Variants in ASIC2 observed in about 807,000 individuals in gnomAD.
ASIC2 encodes the protein acid sensing ion channel subunit 2.
A neutral mutation model predicts 57.3 loss-of-function variants in ASIC2; 25 were observed. That is an observed-to-expected ratio of 0.44 (90% CI 0.32 to 0.61). The LOEUF is 0.61. ASIC2 is among the 20% of genes least tolerant of loss of function. The pLI is 0.06. For synonymous variants in ASIC2, 319 were observed against 307.5 expected, an observed-to-expected ratio of 1.04 and a Z score of -0.39; for missense variants, 641 against 738.1, an observed-to-expected ratio of 0.87 and a Z score of 1.52.
intron 1 of ASIC2, chr17:33,680,492 A>G (rs1055695463): frequency 6.6e-6 from 1 of 152,240 alleles, no homozygotes. Context: ...AGCTACAGCT[A>G]CAAAAGACCA....
chr17:33,017,556 G>A, intron 8 of ASIC2, 49 bp downstream of exon 8: 1 of 1,512,738 alleles, frequency 6.6e-7, no homozygotes, highest in Admixed American at 1.7e-5. Flanking sequence ...GGGGCACGAT[G>A]AGGGCACCAG....
chr17:33,183,137 A>G (rs1567776320), intron 1 of ASIC2, among the ~76,000 whole-genome samples: 1 of 152,230 alleles, frequency 6.6e-6, no homozygotes, highest in Non-Finnish European at 1.5e-5. Flanking sequence ...TTTGAAGCCC[A>G]TCTGCCCCAC....
At chr17:33,641,182 C>G (rs1906551987) in intron 1 of ASIC2, among the ~76,000 whole-genome samples, 1 of 152,180 alleles carries the variant, frequency 6.6e-6, no homozygotes, top group Non-Finnish European at 1.5e-5. Context: ...CATAGAATCT[C>G]CTTTCCTCTA....
At chr17:33,702,276 GTAGT>G (rs1213782610) in intron 1 of ASIC2, among the ~76,000 whole-genome samples, 1 of 152,150 alleles carries the variant, frequency 6.6e-6, no homozygotes, top group East Asian at 1.9e-4. Flanking sequence ...GTACTCAGTC[GTAGT>G]TAGTTTCTTT....
At chr17:33,436,896 C>T (rs372594891) in intron 1 of ASIC2, among the ~76,000 whole-genome samples, 3,584 of 115,098 alleles carry the variant, frequency 0.031, 59 homozygotes, top group Middle Eastern at 0.17. Context: ...GACGGAGTCT[C>T]GCTCTGTCGC....
intron 1 of ASIC2, among the ~76,000 whole-genome samples, chr17:33,201,236 G>C (rs1371616780): frequency 6.6e-6 from 1 of 152,198 alleles, no homozygotes; most frequent in African/African-American, 2.4e-5. Flanking sequence ...TGTGTCCTCT[G>C]TTCCTACAGC....
chr17:34,132,375 G>C (rs530162693), intron 1 of ASIC2, among the ~76,000 whole-genome samples: 56 of 152,320 alleles, frequency 3.7e-4, no homozygotes, highest in African/African-American at 1.0e-3. Flanking sequence ...AGGACAGGTA[G>C]ACGGGTTGCG....
At chr17:34,058,439 T>C (rs978153396) in intron 1 of ASIC2, among the ~76,000 whole-genome samples, 3 of 152,190 alleles carry the variant, frequency 2.0e-5, no homozygotes, top group Admixed American at 6.5e-5. Context: ...TTATCTCTGG[T>C]GGTCCTCATT....
intron 1 of ASIC2, among the ~76,000 whole-genome samples, chr17:33,648,755 CTG>C (rs776477144): frequency 4.6e-5 from 7 of 152,208 alleles, no homozygotes; most frequent in African/African-American, 1.7e-4. Context: ...ATCCACATAA[CTG>C]TGGTCTATAA....
intron 1 of ASIC2, among the ~76,000 whole-genome samples, chr17:34,015,030 G>A (rs1906898933): frequency 6.8e-6 from 1 of 147,210 alleles, no homozygotes; most frequent in South Asian, 2.1e-4. Flanking sequence ...GACTACAGGT[G>A]TGCACCACCA....
chr17:33,032,768 G>A (rs2091889885), intron 3 of ASIC2, among the ~76,000 whole-genome samples: 1 of 152,068 alleles, frequency 6.6e-6, no homozygotes, highest in African/African-American at 2.4e-5. Context: ...TATTATTTTT[G>A]CCTTAAGCAG....
chr17:33,795,468 C>T (rs1176617006), intron 1 of ASIC2, among the ~76,000 whole-genome samples: 1 of 152,248 alleles, frequency 6.6e-6, no homozygotes. Context: ...TTGCCATGTG[C>T]AAGTCTCTCA....
intron 1 of ASIC2, among the ~76,000 whole-genome samples, chr17:33,791,237 A>T (rs968754231): frequency 6.6e-6 from 1 of 152,212 alleles, no homozygotes; most frequent in Non-Finnish European, 1.5e-5. Flanking sequence ...GGCAGGCAAG[A>T]ATCCTCATAA....
intron 3 of ASIC2, among the ~76,000 whole-genome samples, chr17:33,044,047 A>G (rs2091940349): frequency 6.6e-6 from 1 of 151,822 alleles, no homozygotes; most frequent in African/African-American, 2.4e-5. Context: ...TGAATTGGTT[A>G]TGCAAAAAAG....
At chr17:33,718,098 G>C (rs191840576) in intron 1 of ASIC2, among the ~76,000 whole-genome samples, 23 of 152,240 alleles carry the variant, frequency 1.5e-4, no homozygotes, top group Admixed American at 1.3e-3. Context: ...ATCTGCGAAT[G>C]CTCAAGTCCC....
At chr17:33,782,885 C>A (rs190618481) in intron 1 of ASIC2, among the ~76,000 whole-genome samples, 1 of 152,194 alleles carries the variant, frequency 6.6e-6, no homozygotes, top group African/African-American at 2.4e-5. Flanking sequence ...TCCTCCTCTC[C>A]GTCCCACTTG....
At chr17:33,143,904 C>T (rs1443971070) in intron 1 of ASIC2, among the ~76,000 whole-genome samples, 1 of 152,142 alleles carries the variant, frequency 6.6e-6, no homozygotes, top group Non-Finnish European at 1.5e-5. Flanking sequence ...AAATGTCCAA[C>T]AATAGGAGAA....
At chr17:33,421,553 A>T (rs1911046256) in intron 1 of ASIC2, among the ~76,000 whole-genome samples, 1 of 152,154 alleles carries the variant, frequency 6.6e-6, no homozygotes, top group African/African-American at 2.4e-5. Context: ...TGCGGTAAGG[A>T]GTTGGGTAGA....
At chr17:33,975,791 C>T (rs764907669) in intron 1 of ASIC2, among the ~76,000 whole-genome samples, 3 of 152,084 alleles carry the variant, frequency 2.0e-5, no homozygotes, top group Non-Finnish European at 2.9e-5. Context: ...TCCTTCTGTG[C>T]ACCTCACCTC....
Sources: allele counts gnomAD v4.1 joint callset (sites outside exome capture counted in the v4.1 genomes callset), GRCh38; gene constraint gnomAD v4.1.1; transcripts MANE v1.5; gene names NCBI Gene and HGNC (gene_info 2026-07-23, HGNC 2026-07-21).